The following WDPCP variants were observed in gnomAD, a reference collection of about 807,000 sequenced individuals.
WDPCP encodes the protein WD repeat containing planar cell polarity effector.
WDPCP carries 71 observed loss-of-function variants against 93.1 expected under a neutral mutation model. The ratio of observed to expected loss-of-function variants is 0.76; its 90% confidence interval spans 0.63 to 0.93. The LOEUF (loss-of-function observed/expected upper bound fraction) is 0.93. Among genes scored for constraint, WDPCP ranks in the 40% least tolerant of loss-of-function variants. The pLI is 0.00. For synonymous variants in WDPCP, 315 were observed against 315.0 expected, an observed-to-expected ratio of 1.00 and a Z score of 0.00; for missense variants, 844 against 887.4, an observed-to-expected ratio of 0.95 and a Z score of 0.62.
intron 14 of WDPCP, among the ~76,000 whole-genome samples, chr2:63,182,002 TG>T (rs1307685827): frequency 2.6e-5 from 4 of 152,120 alleles, no homozygotes; most frequent in Admixed American, 2.6e-4. Flanking sequence ...CACTGATTTT[TG>T]TACACCAATT....
chr2:63,521,030 C>A (rs1166379276), intron 1 of WDPCP, among the ~76,000 whole-genome samples: 2 of 152,164 alleles, frequency 1.3e-5, no homozygotes, highest in African/African-American at 4.8e-5. Flanking sequence ...TTGTTACCCC[C>A]AGACCTGCCT....
chr2:63,546,485 C>G (rs1412084406), intron 1 of WDPCP, among the ~76,000 whole-genome samples: 1 of 152,182 alleles, frequency 6.6e-6, no homozygotes, highest in Non-Finnish European at 1.5e-5. Flanking sequence ...CTAAAATTGC[C>G]TTGGCACTGA....
intron 12 of WDPCP, among the ~76,000 whole-genome samples, chr2:63,354,621 T>C (rs999277523): frequency 2.0e-5 from 3 of 151,998 alleles, no homozygotes; most frequent in Non-Finnish European, 2.9e-5. Flanking sequence ...AAAATACATA[T>C]ACACATACAC....
intron 15 of WDPCP, among the ~76,000 whole-genome samples, chr2:63,161,794 T>C (rs1174742515): frequency 6.6e-6 from 1 of 151,854 alleles, no homozygotes; most frequent in African/African-American, 2.4e-5. Flanking sequence ...CACGGAGTCT[T>C]GCTCTGTTGC....
intron 2 of WDPCP, among the ~76,000 whole-genome samples, chr2:63,651,716 G>A (rs752087390): frequency 4.6e-5 from 7 of 152,114 alleles, no homozygotes; most frequent in Non-Finnish European, 8.8e-5. Flanking sequence ...TCAGCTGATC[G>A]TAGATGTTCA....
chr2:63,679,501 G>T (rs1248579515), intron 2 of WDPCP, among the ~76,000 whole-genome samples: 1 of 151,974 alleles, frequency 6.6e-6, no homozygotes, highest in Non-Finnish European at 1.5e-5. Context: ...TCTGCCCTAT[G>T]GGAGAATCTT....
chr2:63,612,384 C>T (rs540163729), intron 3 of WDPCP, among the ~76,000 whole-genome samples: 91 of 152,246 alleles, frequency 6.0e-4, no homozygotes, highest in African/African-American at 2.1e-3. Context: ...CAAAATATGC[C>T]ACTTTAGCAT....
chr2:63,288,916 C>T (rs1684209417), intron 13 of WDPCP, among the ~76,000 whole-genome samples: 2 of 151,960 alleles, frequency 1.3e-5, no homozygotes, highest in South Asian at 4.2e-4. Flanking sequence ...TCAATCGATA[C>T]TCCCCATGAC....
intron 12 of WDPCP, among the ~76,000 whole-genome samples, chr2:63,370,048 C>T (rs1691249512): frequency 6.6e-6 from 1 of 152,110 alleles, no homozygotes; most frequent in Non-Finnish European, 1.5e-5. Context: ...GCAAGGTATA[C>T]AAAATTTGTT....
At chr2:63,594,378 A>G (rs1182991456) in intron 3 of WDPCP, 1 of 893,618 alleles carries the variant, frequency 1.1e-6, no homozygotes, top group Non-Finnish European at 1.9e-6. Flanking sequence ...GGACTTTAAA[A>G]TTTTACATTC....
intron 14 of WDPCP, among the ~76,000 whole-genome samples, chr2:63,250,395 T>C (rs1680617171): frequency 6.6e-6 from 1 of 152,162 alleles, no homozygotes; most frequent in South Asian, 2.1e-4. Context: ...TATAATATTT[T>C]TGGGCTGTGG....
intron 1 of WDPCP, chr2:63,564,515 CCTT>C (rs1284914489): frequency 1.3e-5 from 2 of 152,112 alleles, no homozygotes; most frequent in Non-Finnish European, 2.9e-5. Flanking sequence ...TGGGGAACCT[CCTT>C]CTTACGACAG....
chr2:63,301,571 A>G (rs1049450239), intron 13 of WDPCP, among the ~76,000 whole-genome samples: 4 of 152,184 alleles, frequency 2.6e-5, no homozygotes, highest in Admixed American at 2.6e-4. Flanking sequence ...GTCAAAGGGA[A>G]ATCACAGGCA....
At chr2:63,690,684 T>C (rs778576524) in intron 2 of WDPCP, among the ~76,000 whole-genome samples, 2 of 152,080 alleles carry the variant, frequency 1.3e-5, no homozygotes, top group Admixed American at 6.6e-5. Flanking sequence ...GAGCCTGCAG[T>C]GAACCATGAT....
rs1395501426 is a variant in WDPCP, at chr2:63,362,255, TC to T, written c.1748+16130del. Among the ~76,000 whole-genome samples the T allele has an allele frequency of 2.2e-4, 30 of 133,724 alleles. No homozygotes were observed. The South Asian group carries it at 6.9e-3, about 31-fold the overall frequency. The allele number at this position is 133,724 out of a possible 152,430, so 87.7% of individuals were successfully genotyped here. On this transcript the variant is annotated intron_variant, in intron 12 of 17. Coordinates refer to ENST00000272321, the MANE Select transcript of WDPCP (RefSeq NM_015910.7). ...GCATATCCTGGTAAAATCGGTAGAATCCCTTTTTTTTTTTTTTTTGGTTGTG... is the reference window on the plus strand; with the variant it reads ...GCATATCCTGGTAAAATCGGTAGAATCCTTTTTTTTTTTTTTTTGGTTGTG...
chr2:63,300,360 G>C (rs1195985818), intron 13 of WDPCP, among the ~76,000 whole-genome samples: 1 of 152,182 alleles, frequency 6.6e-6, no homozygotes, highest in African/African-American at 2.4e-5. Context: ...ATGGTGAGTA[G>C]AGGGGAGCGA....
intron 9 of WDPCP, among the ~76,000 whole-genome samples, chr2:63,412,093 C>T (rs537637787): frequency 5.9e-5 from 9 of 152,240 alleles, no homozygotes; most frequent in Non-Finnish European, 1.2e-4. Context: ...AAACTACAGA[C>T]CGATATCCTT....
intron 2 of WDPCP, among the ~76,000 whole-genome samples, chr2:63,744,694 T>C (rs1669770193): frequency 6.6e-6 from 1 of 152,110 alleles, no homozygotes; most frequent in African/African-American, 2.4e-5. Flanking sequence ...TTCAGTTCTT[T>C]TTTCCCCTTT....
At chr2:63,214,267 A>T (rs1437103909) in intron 14 of WDPCP, among the ~76,000 whole-genome samples, 2 of 152,326 alleles carry the variant, frequency 1.3e-5, no homozygotes, top group East Asian at 3.9e-4. Context: ...CAAAAAGCTT[A>T]TCCACCATGA....
Sources: gnomAD v4.1 joint callset for allele counts (sites outside exome capture counted in the v4.1 genomes callset) on GRCh38, gnomAD v4.1.1 for gene constraint, MANE v1.5 for transcripts, NCBI Gene and HGNC (gene_info 2026-07-23, HGNC 2026-07-21) for gene names.